The following TENM2 variants were observed in gnomAD, a reference collection of about 807,000 sequenced individuals.
TENM2 encodes teneurin transmembrane protein 2.
A neutral mutation model predicts 245.2 loss-of-function variants in TENM2; 52 were observed. The ratio of observed to expected loss-of-function variants is 0.21; its 90% CI spans 0.17 to 0.27. The LOEUF (loss-of-function observed/expected upper bound fraction) is 0.27, where lower values mean the gene tolerates loss of function less well. Among genes scored for constraint, TENM2 ranks in the 10% least tolerant of loss-of-function variants. TENM2 has a pLI of 1.00. For missense variants in TENM2, 3,046 were observed against 3,666.8 expected, an observed-to-expected ratio of 0.83 and a Z score of 4.37; for synonymous variants, 1,363 against 1,438.9, an observed-to-expected ratio of 0.95 and a Z score of 1.19.
intron 1 of TENM2, among the ~76,000 whole-genome samples, chr5:167,321,782 C>CTTTTTTTTTTTTTTTTTTTTTT (rs1191717159): frequency 1.7e-5 from 1 of 59,738 alleles, no homozygotes; most frequent in Admixed American, 2.8e-4. Flanking sequence ...GCTGCCTTGG[C>CTTTTTTTTTTTTTTTTTTTTTT]TTATTTTTTT....
chr5:167,799,672 C>A (rs1765566319), intron 2 of TENM2, among the ~76,000 whole-genome samples: 1 of 152,222 alleles, frequency 6.6e-6, no homozygotes, highest in African/African-American at 2.4e-5. Flanking sequence ...GCTCTCCTTG[C>A]AGACATGCCT....
chr5:167,724,012 A>C (rs1440542751), intron 2 of TENM2, among the ~76,000 whole-genome samples: 2 of 152,242 alleles, frequency 1.3e-5, no homozygotes, highest in African/African-American at 4.8e-5. Context: ...TGTGCAGCTG[A>C]CAGTACCTGT....
intron 4 of TENM2, among the ~76,000 whole-genome samples, chr5:167,970,619 A>C (rs1781707700): frequency 1.3e-5 from 2 of 152,204 alleles, no homozygotes; most frequent in African/African-American, 4.8e-5. Context: ...TATTCTCAGC[A>C]ATGCAGTATA....
intron 2 of TENM2, among the ~76,000 whole-genome samples, chr5:167,436,033 A>G (rs1397226818): frequency 7.7e-6 from 1 of 129,402 alleles, no homozygotes; most frequent in Non-Finnish European, 1.5e-5. Context: ...GCTGGAGTGC[A>G]GTGGCACCAT....
intron 2 of TENM2, among the ~76,000 whole-genome samples, chr5:167,789,366 C>T: frequency 6.6e-6 from 1 of 152,328 alleles, no homozygotes; most frequent in East Asian, 1.9e-4. Flanking sequence ...CTGCTTCACC[C>T]TCATCCCAAT....
intron 28 of TENM2, 74 bp downstream of exon 30, chr5:168,260,487 C>A: frequency 6.4e-7 from 1 of 1,558,614 alleles, no homozygotes; most frequent in Non-Finnish European, 8.8e-7. Context: ...TCATGGGAGC[C>A]AGGGGCATGT....
chr5:168,178,740 G>T (rs968560904), intron 13 of TENM2, among the ~76,000 whole-genome samples: 1 of 152,166 alleles, frequency 6.6e-6, no homozygotes, highest in South Asian at 2.1e-4. Context: ...ACATTCAGAG[G>T]GTACCTATAT....
chr5:167,863,503 G>A (rs569089095), intron 2 of TENM2, among the ~76,000 whole-genome samples: 35 of 151,642 alleles, frequency 2.3e-4, no homozygotes, highest in Admixed American at 2.1e-3. Context: ...AATTAGCCAG[G>A]CGTGGTGGCA....
chr5:167,150,093 G>A, the TENM2 span, among the ~76,000 whole-genome samples: 1 of 152,144 alleles, frequency 6.6e-6, no homozygotes, highest in Admixed American at 6.5e-5. Flanking sequence ...AGTTAGAAAA[G>A]GGAGGGGAAA....
chr5:167,627,088 C>CA lies in TENM2; in HGVS notation c.503-248895dup, dbSNP rs1778559168. On this transcript the variant is annotated intron_variant, in intron 2 of 28. Coordinates refer to ENST00000518659, the Ensembl canonical transcript of TENM2. The stretch of plus-strand genomic sequence containing the variant: ...TGAATTGGAGCCTCTATAAAAATGG[C>CA]AAAGACATGTTTTACAGTGTCAATT... Among the ~76,000 whole-genome samples, 4 of 152,182 alleles carry CA rather than the reference C, an allele frequency of 2.6e-5. 1 individual carries two copies. The South Asian group carries it at 8.3e-4, about 32-fold the overall frequency.
chr5:167,815,824 A>T (rs1424858109), intron 2 of TENM2, among the ~76,000 whole-genome samples: 1 of 152,064 alleles, frequency 6.6e-6, no homozygotes, highest in African/African-American at 2.4e-5. Flanking sequence ...GAGGGATGCT[A>T]ATGTATACAC....
intron 2 of TENM2, among the ~76,000 whole-genome samples, chr5:167,455,362 A>C (rs1048328330): frequency 3.9e-5 from 6 of 152,220 alleles, no homozygotes; most frequent in Admixed American, 2.0e-4. Flanking sequence ...TCCAAATAAA[A>C]TATCGAATTT....
At chr5:168,195,053 G>T (rs1163286025) in intron 14 of TENM2, 123 bp from the exon 17 acceptor site, 3 of 1,149,132 alleles carry the variant, frequency 2.6e-6, no homozygotes, top group Non-Finnish European at 3.7e-6. Context: ...AAAGCCAGAA[G>T]TTAATGTTGA....
chr5:167,626,926 C>T (rs899223806), intron 2 of TENM2, among the ~76,000 whole-genome samples: 2 of 152,272 alleles, frequency 1.3e-5, no homozygotes, highest in East Asian at 1.9e-4. Flanking sequence ...CATTTGTTCA[C>T]GCTTTCCCGA....
intron 1 of TENM2, among the ~76,000 whole-genome samples, chr5:167,325,587 C>A (rs970448839): frequency 1.3e-5 from 2 of 152,204 alleles, no homozygotes; most frequent in African/African-American, 4.8e-5. Flanking sequence ...AGTGGACTTA[C>A]AAGACTTCCA....
At chr5:167,136,551 C>T in the TENM2 span, among the ~76,000 whole-genome samples, 1 of 152,128 alleles carries the variant, frequency 6.6e-6, no homozygotes, top group African/African-American at 2.4e-5. Flanking sequence ...CTTTCCAGAC[C>T]AGCCTTTGGG....
chr5:167,337,862 A>G (rs941224129), intron 1 of TENM2, among the ~76,000 whole-genome samples: 4 of 152,218 alleles, frequency 2.6e-5, no homozygotes, highest in African/African-American at 9.6e-5. Context: ...TCCAATCTCA[A>G]TATGTGTTTT....
At chr5:167,926,100 C>A (rs1430146159) in intron 3 of TENM2, among the ~76,000 whole-genome samples, 1 of 151,906 alleles carries the variant, frequency 6.6e-6, no homozygotes, top group Non-Finnish European at 1.5e-5. Context: ...ACCCTCAAAC[C>A]TAAAATGAAA....
chr5:167,954,729 T>G (rs1422379838), intron 4 of TENM2, among the ~76,000 whole-genome samples: 2 of 152,220 alleles, frequency 1.3e-5, no homozygotes, highest in East Asian at 3.9e-4. Context: ...TGGTTTTCTG[T>G]TCCTGTGTTA....
Sources: allele counts gnomAD v4.1 joint callset (sites outside exome capture counted in the v4.1 genomes callset), GRCh38; gene constraint gnomAD v4.1.1; transcripts MANE v1.5; gene names NCBI Gene and HGNC (gene_info 2026-07-23, HGNC 2026-07-21).